Variants in FHAD1 observed in about 807,000 individuals in gnomAD.
The protein encoded by FHAD1 is forkhead-associated domain-containing protein 1.
A neutral mutation model predicts 191.3 loss-of-function variants in FHAD1; 146 were observed. That is an observed-to-expected ratio of 0.76 (90% CI 0.67 to 0.88). The LOEUF (loss-of-function observed/expected upper bound fraction) is 0.88. FHAD1 is among the 40% of genes least tolerant of loss of function. The pLI is 0.00. For missense variants in FHAD1, 1,635 were observed against 1,785.8 expected (o/e 0.92, Z 1.52); for synonymous variants, 616 against 672.3 (o/e 0.92, Z 1.29).
intron 1 of FHAD1, among the ~76,000 whole-genome samples, chr1:15,240,502 A>G (rs1383589137): frequency 6.6e-6 from 1 of 151,920 alleles, no homozygotes; most frequent in Non-Finnish European, 1.5e-5. Flanking sequence ...TTAGTGGTAC[A>G]TGGCTGTGGT....
intron 28 of FHAD1, among the ~76,000 whole-genome samples, chr1:15,379,221 G>A (rs1001872422): frequency 4.6e-5 from 7 of 152,228 alleles, no homozygotes; most frequent in Admixed American, 3.9e-4. Flanking sequence ...CTCCGAGAGG[G>A]GGATGTGTCA....
intron 5 of FHAD1, among the ~76,000 whole-genome samples, chr1:15,299,221 A>AAAGG: frequency 7.8e-6 from 1 of 128,430 alleles, no homozygotes; most frequent in African/African-American, 3.8e-5. Context: ...AAAAAAAGGA[A>AAAGG]AAAAAAAAAA....
rs563164293 is a variant in FHAD1, at chr1:15,379,479, C to T, written c.3706-1222C>T. Among the ~76,000 whole-genome samples, 103 of 152,290 alleles carry T rather than the reference C, an allele frequency of 6.8e-4. 2 individuals are homozygous for T. The highest frequency in any genetic ancestry group is 3.4e-3 in the Middle Eastern group (1 of 294). ...ACCGAGACATTCCATTGCCCAGGGA[C>T]GGGCAGGAGACAGATGCCTTCCTGT... On this transcript the variant is annotated intron_variant, in intron 28 of 33. Coordinates refer to ENST00000688493, the MANE Select transcript of FHAD1 (RefSeq NM_001391957.1).
At chr1:15,365,341 C>CT (rs527366091) in intron 23 of FHAD1, among the ~76,000 whole-genome samples, 118 of 147,934 alleles carry the variant, frequency 8.0e-4, no homozygotes, top group Middle Eastern at 3.5e-3. Context: ...TTCTTTCTTT[C>CT]TTTTTTTTTT....
At chr1:15,296,578 T>C in intron 4 of FHAD1, 106 bp from the exon 5 acceptor site, 1 of 1,063,210 alleles carries the variant, frequency 9.4e-7, no homozygotes, top group Non-Finnish European at 1.4e-6. Context: ...ACATAAAATA[T>C]CAATCTCTGG....
chr1:15,333,446 G>GT (rs1237848433), intron 14 of FHAD1, among the ~76,000 whole-genome samples: 2 of 152,116 alleles, frequency 1.3e-5, no homozygotes, highest in African/African-American at 4.8e-5. Flanking sequence ...TCTAGATACG[G>GT]TTCTCAGCAT....
At chr1:15,357,243 C>A (rs893989631) in intron 20 of FHAD1, among the ~76,000 whole-genome samples, 1 of 152,156 alleles carries the variant, frequency 6.6e-6, no homozygotes, top group South Asian at 2.1e-4. Context: ...AAATAATGTT[C>A]GTAAGATGCC....
At position 15,327,296 on chromosome 1, in the gene FHAD1, A is replaced by G. The variant is rs1679103824; in HGVS notation, c.1557+154A>G. ...CACCATAAAGATTTGTTTTGATTTT[A>G]TGGGATTTCCTGGCTTTTAAAGTAA... On this transcript the variant is annotated intron_variant, in intron 12 of 33. Transcript: ENST00000688493. The surrounding 1 kb of genome is among the most constrained non-coding windows in gnomAD (Gnocchi z 5.1). The G allele has an allele frequency of 1.8e-6, 1 of 558,692 alleles. No homozygotes were observed. The highest frequency in any genetic ancestry group is 3.2e-6 in the Non-Finnish European group (1 of 312,298). 34.6% of individuals were successfully genotyped at this position (558,692 alleles called of 1,614,324 possible).
At chr1:15,296,468 T>C (rs868839247) in intron 4 of FHAD1, among the ~76,000 whole-genome samples, 1 of 152,158 alleles carries the variant, frequency 6.6e-6, no homozygotes. Flanking sequence ...TTAGCCAGGA[T>C]GGTCTCAATC....
At chr1:15,280,517 G>C (rs1229486054) in intron 3 of FHAD1, among the ~76,000 whole-genome samples, 2 of 152,140 alleles carry the variant, frequency 1.3e-5, no homozygotes, top group Non-Finnish European at 2.9e-5. Flanking sequence ...AGACAGCCTA[G>C]GGGACTGCAG....
chr1:15,355,936 GAA>G (rs71572151), intron 20 of FHAD1, among the ~76,000 whole-genome samples: 3 of 117,386 alleles, frequency 2.6e-5, no homozygotes, highest in Admixed American at 8.8e-5. Flanking sequence ...TAGAAAACTT[GAA>G]AAAAAAAAAA....
chr1:15,330,981 G>T (rs1037264336), intron 14 of FHAD1, among the ~76,000 whole-genome samples: 2 of 152,124 alleles, frequency 1.3e-5, no homozygotes, highest in Admixed American at 1.3e-4. Flanking sequence ...AGGGCAGGGT[G>T]GGGATGGAGA....
chr1:15,256,960 A>G (rs951621341), intron 2 of FHAD1, among the ~76,000 whole-genome samples: 27 of 152,142 alleles, frequency 1.8e-4, no homozygotes, highest in African/African-American at 4.8e-4. Context: ...CTCATATGGG[A>G]TCAGAGGGTC....
chr1:15,332,342 C>T (rs374711255), intron 14 of FHAD1, among the ~76,000 whole-genome samples: 1 of 152,156 alleles, frequency 6.6e-6, no homozygotes, highest in South Asian at 2.1e-4. Flanking sequence ...TGCACTGTCC[C>T]CTTCCCACTC....
At chr1:15,355,420 C>T (rs1692387488) in intron 20 of FHAD1, among the ~76,000 whole-genome samples, 1 of 152,020 alleles carries the variant, frequency 6.6e-6, no homozygotes, top group South Asian at 2.1e-4. Flanking sequence ...TGATTTCATC[C>T]ATATAGGCAA....
chr1:15,389,817 A>G (rs539095571), intron 32 of FHAD1, among the ~76,000 whole-genome samples: 67 of 152,374 alleles, frequency 4.4e-4, no homozygotes, highest in African/African-American at 1.5e-3. Flanking sequence ...TCAGATAAAT[A>G]ACAAATAGTG....
chr1:15,354,724 C>T (rs113577106), intron 20 of FHAD1, among the ~76,000 whole-genome samples: 1 of 152,110 alleles, frequency 6.6e-6, no homozygotes, highest in Non-Finnish European at 1.5e-5. Context: ...ACAATTTTTA[C>T]TCCAGCAATT....
chr1:15,335,304 G>A (rs1271426012), intron 14 of FHAD1: 2 of 152,278 alleles, frequency 1.3e-5, no homozygotes, highest in East Asian at 1.9e-4. Flanking sequence ...ATAAGGGAAG[G>A]AAAGGATTTT....
intron 32 of FHAD1, among the ~76,000 whole-genome samples, chr1:15,390,447 A>G (rs1268084147): frequency 6.6e-6 from 1 of 151,226 alleles, no homozygotes; most frequent in African/African-American, 2.4e-5. Flanking sequence ...CCACAGTCCC[A>G]CACGCCACCA....
Sources: allele counts gnomAD v4.1 joint callset (sites outside exome capture counted in the v4.1 genomes callset), GRCh38; gene constraint gnomAD v4.1.1; non-coding constraint Gnocchi (gnomAD v3.1); transcripts MANE v1.5; gene names NCBI Gene and HGNC (gene_info 2026-07-23, HGNC 2026-07-21).